Variants in EML5 observed in about 807,000 individuals in gnomAD.
EML5 encodes the protein EMAP like 5.
Under a neutral mutation model 250.0 loss-of-function variants are expected in EML5, and 120 were observed. The ratio of observed to expected loss-of-function variants is 0.48; its 90% confidence interval spans 0.41 to 0.56. The LOEUF is 0.56. EML5 is among the 20% of genes least tolerant of loss of function. EML5 has a pLI of 0.00. For synonymous variants in EML5, 771 were observed against 806.5 expected, an observed-to-expected ratio of 0.96 and a Z score of 0.75; for missense variants, 2,006 against 2,437.6, an observed-to-expected ratio of 0.82 and a Z score of 3.73.
chr14:88,685,750 C>T (rs538096331), intron 19 of EML5, among the ~76,000 whole-genome samples: 72 of 152,066 alleles, frequency 4.7e-4, no homozygotes, highest in African/African-American at 1.7e-3. Context: ...ACAGCCGGCC[C>T]CCATGTGCTT....
At chr14:88,700,956 GT>G (rs988711057) in intron 14 of EML5, among the ~76,000 whole-genome samples, 3 of 150,552 alleles carry the variant, frequency 2.0e-5, no homozygotes, top group Non-Finnish European at 3.0e-5. Flanking sequence ...AATAAGCTGG[GT>G]TTTTTTTTGC....
intron 1 of EML5, among the ~76,000 whole-genome samples, chr14:88,791,689 G>A (rs1365268255): frequency 6.6e-6 from 1 of 152,192 alleles, no homozygotes; most frequent in African/African-American, 2.4e-5. Flanking sequence ...GTTTTCAGCA[G>A]CCTCTTCAGA....
At chr14:88,694,461 A>G in intron 16 of EML5, 54 bp from the exon 17 acceptor site, 1 of 1,240,860 alleles carries the variant, frequency 8.1e-7, no homozygotes, top group Non-Finnish European at 1.1e-6. Flanking sequence ...TCCTGTATTA[A>G]TCTCTTGCCT....
chr14:88,734,848 C>G (rs571664598), intron 7 of EML5, among the ~76,000 whole-genome samples: 2 of 151,680 alleles, frequency 1.3e-5, no homozygotes, highest in Admixed American at 1.3e-4. Context: ...GTAAGAAGAA[C>G]AAAAAGGGAA....
At chr14:88,639,310 G>T (rs1341201436) in intron 31 of EML5, among the ~76,000 whole-genome samples, 1 of 152,210 alleles carries the variant, frequency 6.6e-6, no homozygotes, top group African/African-American at 2.4e-5. Context: ...CTAAAGGCAG[G>T]AAAGTGTTGT....
intron 32 of EML5, among the ~76,000 whole-genome samples, chr14:88,636,090 G>C (rs1055492389): frequency 3.3e-5 from 5 of 152,088 alleles, no homozygotes; most frequent in Non-Finnish European, 7.4e-5. Flanking sequence ...TACTGCATTA[G>C]AACTCCATCC....
At position 88,712,296 on chromosome 14, in the gene EML5, T is replaced by C. The variant is rs1214565681; in HGVS notation, c.1632A>G (p.Leu544=). The change falls in exon 10 of 44, where the codon TTA becomes TTG. Residue 544 remains leucine, a synonymous_variant. Transcript: ENST00000554922. ...VTADDYGIIK[L]FRYPCLRKGA... ...CTTTTCTTAAACATGGATATCGGAA[T>C]AATTTTATAATTCCATAGTCATCAG... The C allele has an allele frequency of 6.2e-7, 1 of 1,610,870 alleles. No homozygotes were observed. The highest frequency in any genetic ancestry group is 1.1e-5 in the South Asian group (1 of 90,928).
chr14:88,672,778 G>A lies in EML5; in HGVS notation c.3125-7289C>T, dbSNP rs144298845. ...TAAACACCTCTATGCAAATAAAATA[G>A]AAAATCTGGAAGAAATGGATAAATT... On this transcript the variant is annotated intron_variant, in intron 21 of 43. Transcript: ENST00000554922. Among the ~76,000 whole-genome samples the A allele has an allele frequency of 6.7e-3, 1,017 of 152,188 alleles. 15 individuals are homozygous for A. The highest frequency in any genetic ancestry group is 0.023 in the African/African-American group (973 of 41,538).
chr14:88,702,628 T>C lies in EML5; in HGVS notation c.2056A>G (p.Arg686Gly), dbSNP rs764420837. Reference sequence around the variant, plus strand: ...AGATTACTTCGACAGTCATAACCTCTGTAACTAATATAGAAAACAAATCAT... The same window carrying C: ...AGATTACTTCGACAGTCATAACCTCCGTAACTAATATAGAAAACAAATCAT... ...SIRLHFVHGYRGYDCRSNLFY... is the reference protein window; with the variant it reads ...SIRLHFVHGYGGYDCRSNLFY... The change falls in exon 14 of 44, where the codon AGA (arginine) becomes GGA (glycine). Residue 686 changes from arginine to glycine, a missense_variant. By Grantham distance (125) the Arg-to-Gly change is moderately radical. Around this residue, in one of 7 missense-constraint regions of EML5, gnomAD observed 1,375 missense variants for 1,590.3 expected, o/e 0.86. Transcript: ENST00000554922. 3 of 1,562,170 alleles carry C rather than the reference T, an allele frequency of 1.9e-6. No homozygotes were observed. The highest frequency in any genetic ancestry group is 1.9e-5 in the Admixed American group (1 of 51,340).
chr14:88,731,343 T>G (rs984875418), intron 7 of EML5, among the ~76,000 whole-genome samples: 1 of 151,586 alleles, frequency 6.6e-6, no homozygotes, highest in Non-Finnish European at 1.5e-5. Context: ...CTTGCGATAG[T>G]TTGCTGAGAA....
chr14:88,616,947 T>G, intron 41 of EML5, 68 bp from the exon 42 acceptor site: 1 of 1,482,464 alleles, frequency 6.7e-7, no homozygotes, highest in African/African-American at 1.4e-5. Context: ...TTCAAAAAGT[T>G]TCTTGGCAAT....
intron 9 of EML5, 133 bp from the exon 10 acceptor site, chr14:88,712,616 T>A (rs1365873124): frequency 1.6e-6 from 1 of 632,850 alleles, no homozygotes; most frequent in African/African-American, 1.8e-5. Flanking sequence ...AATACATAAA[T>A]AGGTAGATAA....
chr14:88,698,265 CTTT>C (rs60164768), intron 14 of EML5, among the ~76,000 whole-genome samples: 8 of 119,944 alleles, frequency 6.7e-5, no homozygotes, highest in Admixed American at 1.8e-4. Context: ...CTCCAGTTTC[CTTT>C]TTTTTTTTTT....
rs35255737 is a variant in EML5 at position 88,618,011 on chromosome 14, TAAA to T, written c.5642+214_5642+216del. On this transcript the variant is annotated intron_variant, in intron 41 of 43. Transcript: ENST00000554922. ...TTTAAAGTTAAAACTTTGATTTCCTTAAAAAAAAAACTTGATAAATCATGGAAA... is the reference window on the plus strand; with the variant it reads ...TTTAAAGTTAAAACTTTGATTTCCTTAAAAAAACTTGATAAATCATGGAAA... 14 of 291,584 alleles carry T rather than the reference TAAA, an allele frequency of 4.8e-5. No individual in the cohort carries two copies. In the South Asian group the frequency reaches 1.1e-3, roughly 24 times the overall value. 18.1% of individuals were successfully genotyped at this position (291,584 alleles called of 1,614,324 possible).
At chr14:88,671,234 G>T (rs1485852807) in intron 21 of EML5, among the ~76,000 whole-genome samples, 3 of 152,150 alleles carry the variant, frequency 2.0e-5, no homozygotes, top group Non-Finnish European at 4.4e-5. Context: ...TACAAGTCAG[G>T]AGACACTAGG....
At chr14:88,694,486 C>T (rs2093030923) in intron 16 of EML5, 79 bp from the exon 17 acceptor site, 8 of 946,918 alleles carry the variant, frequency 8.4e-6, no homozygotes, top group Non-Finnish European at 1.3e-5. Flanking sequence ...CATACCCTAT[C>T]TTGATTACTC....
At chr14:88,743,502 A>C (rs1452558949) in intron 4 of EML5, among the ~76,000 whole-genome samples, 1 of 152,134 alleles carries the variant, frequency 6.6e-6, no homozygotes, top group Non-Finnish European at 1.5e-5. Flanking sequence ...TATGACAAGC[A>C]CTTGAATATA....
chr14:88,616,458 C>A (rs1300835601), intron 42 of EML5: 3 of 613,544 alleles, frequency 4.9e-6, no homozygotes, highest in Non-Finnish European at 8.4e-6. Context: ...CCATTTTTCT[C>A]TAAGGAAAAG....
In EML5 at chr14:88,620,857, C is replaced by G. The variant is rs750066524; in HGVS notation, c.5272G>C (p.Val1758Leu). The G allele has an allele frequency of 1.9e-6, 3 of 1,589,212 alleles. No homozygotes were observed. Among genetic ancestry groups the G allele is most frequent in the East Asian group, 4.5e-5 (2 of 44,190 alleles). The change falls in exon 39 of 44, where the codon GTG becomes CTG. Residue 1758 changes from valine (V) to leucine (L), a missense_variant. Coordinates refer to ENST00000554922, the MANE Select transcript of EML5 (RefSeq NM_183387.3). The surrounding 1 kb of genome is among the most constrained non-coding windows in gnomAD (Gnocchi z 4.3). ...TVCYSPEGDM[V>L]AIGMKNGEFI... ...TCTCCATTTTTCATTCCAATAGCCA[C>G]CATGTCCCCTTCAGGGCTGTAACAC...
Sources: gnomAD v4.1 joint callset for allele counts (sites outside exome capture counted in the v4.1 genomes callset) on GRCh38, gnomAD v4.1.1 for gene constraint, gnomAD v4.1.1 regional missense constraint, Gnocchi (gnomAD v3.1) non-coding constraint, MANE v1.5 for transcripts, NCBI Gene and HGNC (gene_info 2026-07-23, HGNC 2026-07-21) for gene names.